Variants in MARCHF10 observed in about 807,000 individuals in gnomAD.
The protein encoded by MARCHF10 is probable E3 ubiquitin-protein ligase MARCHF10.
In MARCHF10, 64 loss-of-function variants were observed where a neutral mutation model predicts 76.2. The ratio of observed to expected loss-of-function variants is 0.84; its 90% CI spans 0.69 to 1.03. The LOEUF (loss-of-function observed/expected upper bound fraction) is 1.03, where lower values mean the gene tolerates loss of function less well. Ranked by LOEUF, MARCHF10 falls within the 50% of genes least tolerant of loss-of-function variation. MARCHF10 has a pLI of 0.00. For missense variants in MARCHF10, 875 were observed against 958.0 expected (o/e 0.91, Z 1.14); for synonymous variants, 340 against 357.5 (o/e 0.95, Z 0.55).
chr17:62,741,371 C>A (rs1179354487), intron 5 of MARCHF10, among the ~76,000 whole-genome samples: 1 of 152,142 alleles, frequency 6.6e-6, no homozygotes, highest in Non-Finnish European at 1.5e-5. Context: ...TATGAACTTT[C>A]TAAGAGGCTT....
chr17:62,794,020 C>T (rs2092940044), intron 2 of MARCHF10, among the ~76,000 whole-genome samples: 1 of 151,240 alleles, frequency 6.6e-6, no homozygotes, highest in Non-Finnish European at 1.5e-5. Flanking sequence ...CCATCACCAC[C>T]ATCACTACCA....
chr17:62,773,687 C>T (rs879613781), intron 3 of MARCHF10, among the ~76,000 whole-genome samples: 22 of 152,042 alleles, frequency 1.4e-4, no homozygotes, highest in Non-Finnish European at 2.8e-4. Context: ...TGGGAGACAG[C>T]GGCTGGAGTA....
chr17:62,762,513 T>A (rs2092232655), intron 3 of MARCHF10, among the ~76,000 whole-genome samples: 1 of 152,206 alleles, frequency 6.6e-6, no homozygotes, highest in African/African-American at 2.4e-5. Flanking sequence ...CTTTATTCTG[T>A]CTTCTTACGT....
chr17:62,777,463 C>G (rs1287282987), intron 3 of MARCHF10, among the ~76,000 whole-genome samples: 1 of 152,088 alleles, frequency 6.6e-6, no homozygotes, highest in East Asian at 1.9e-4. Context: ...TGGCTCATGC[C>G]TGTAATCCTA....
intron 4 of MARCHF10, among the ~76,000 whole-genome samples, chr17:62,755,103 C>A (rs559178730): frequency 6.6e-6 from 1 of 152,176 alleles, no homozygotes; most frequent in African/African-American, 2.4e-5. Context: ...CAAATCTGAA[C>A]CCAGTAATGA....
chr17:62,775,760 A>G (rs762006363), intron 3 of MARCHF10, among the ~76,000 whole-genome samples: 20 of 152,270 alleles, frequency 1.3e-4, no homozygotes, highest in Non-Finnish European at 2.4e-4. Flanking sequence ...GAATAATTTT[A>G]TCTCACAATT....
At position 62,736,819 on chromosome 17, in the gene MARCHF10, C is replaced by T; in HGVS notation, c.1049G>A (p.Ser350Asn). ...ATTGCTTATTCTCAATGAGCCATGA[C>T]TGGGCTCACTTCTTCTTGAAGAATG... The part of the protein sequence containing the change: ...RGHSSRRSEP[S>N]HGSLRISNAM... The change falls in exon 6 of 11, where the codon AGT becomes AAT. Residue 350 changes from serine to asparagine, a missense_variant. Physicochemically the swap from Ser to Asn is conservative, Grantham distance 46. Coordinates refer to ENST00000311269, the MANE Select transcript of MARCHF10 (RefSeq NM_152598.4). 6.2e-7 allele frequency: 1 copy of T among 1,614,120 alleles called. No homozygotes were observed. The highest frequency in any genetic ancestry group is 1.3e-5 in the African/African-American group (1 of 75,048).
At position 62,793,285 on chromosome 17, in the gene MARCHF10, C is replaced by T. The variant is rs373887197; in HGVS notation, c.91-4686G>A. On this transcript the variant is annotated intron_variant, in intron 2 of 10. Transcript: ENST00000311269. ...CACCCACCACCACCACAACCATCACCACCCACCACCACCACCTCCATCACC... is the reference window on the plus strand; with the variant it reads ...CACCCACCACCACCACAACCATCACTACCCACCACCACCACCTCCATCACC... Among the ~76,000 whole-genome samples the T allele has an allele frequency of 6.2e-5, 9 of 144,304 alleles. No individual in the cohort carries two copies. The East Asian group carries it at 1.5e-3, about 24-fold the overall frequency. The allele number at this position is 144,304 out of a possible 152,430, so 94.7% of individuals were successfully genotyped here. A position where few individuals can be genotyped will look rare whatever the true frequency, so the allele number is the denominator to read the frequency against.
At chr17:62,782,087 C>T (rs957553189) in intron 3 of MARCHF10, among the ~76,000 whole-genome samples, 1 of 152,104 alleles carries the variant, frequency 6.6e-6, no homozygotes, top group African/African-American at 2.4e-5. Context: ...TATCATTCTC[C>T]TGCCCCTTTC....
chr17:62,765,577 CG>C (rs2092310791), intron 3 of MARCHF10, among the ~76,000 whole-genome samples: 1 of 152,020 alleles, frequency 6.6e-6, no homozygotes, highest in Admixed American at 6.6e-5. Context: ...TCCATCACTA[CG>C]GGGGTGCCCT....
At chr17:62,742,176 C>T (rs1049002080) in intron 5 of MARCHF10, among the ~76,000 whole-genome samples, 4 of 151,868 alleles carry the variant, frequency 2.6e-5, no homozygotes, top group South Asian at 2.1e-4. Flanking sequence ...TGTGCCACCA[C>T]GCCCAGCTAA....
At chr17:62,794,047 A>T (rs942218586) in intron 2 of MARCHF10, among the ~76,000 whole-genome samples, 3 of 138,796 alleles carry the variant, frequency 2.2e-5, no homozygotes, top group Non-Finnish European at 4.7e-5. Context: ...TCACATCTCC[A>T]TAACCACCAT....
At chr17:62,789,553 C>A (rs938916595) in intron 2 of MARCHF10, among the ~76,000 whole-genome samples, 1 of 152,144 alleles carries the variant, frequency 6.6e-6, no homozygotes, top group Non-Finnish European at 1.5e-5. Flanking sequence ...TGGTTTTGAG[C>A]CTGTTTCTCC....
intron 3 of MARCHF10, among the ~76,000 whole-genome samples, chr17:62,761,341 T>G (rs1262390523): frequency 6.6e-6 from 1 of 152,236 alleles, no homozygotes; most frequent in Admixed American, 6.5e-5. Context: ...TCCCCTTTCC[T>G]TTTCGATTTT....
At chr17:62,724,788 T>G (rs2090668865) in intron 7 of MARCHF10, 150 bp downstream of exon 7, 1 of 791,536 alleles carries the variant, frequency 1.3e-6, no homozygotes, top group Non-Finnish European at 2.0e-6. Flanking sequence ...ACAGCTTTTA[T>G]GAGCAAGGAT....
chr17:62,799,802 A>G (rs1033944805), intron 2 of MARCHF10, among the ~76,000 whole-genome samples: 45 of 151,582 alleles, frequency 3.0e-4, no homozygotes, highest in Admixed American at 4.6e-4. Context: ...TGTGAGACCC[A>G]GTGTGACACT....
At chr17:62,727,308 C>T (rs1452011841) in intron 6 of MARCHF10, among the ~76,000 whole-genome samples, 3 of 152,074 alleles carry the variant, frequency 2.0e-5, no homozygotes, top group East Asian at 3.9e-4. Flanking sequence ...GAAGAAGAGA[C>T]AGAAAAGCAC....
At chr17:62,746,098 T>C (rs1260787502) in intron 4 of MARCHF10, among the ~76,000 whole-genome samples, 1 of 152,248 alleles carries the variant, frequency 6.6e-6, no homozygotes, top group Non-Finnish European at 1.5e-5. Context: ...GTGAATAGTT[T>C]TCCTCCAGAT....
At position 62,775,641 on chromosome 17, in the gene MARCHF10, T is replaced by C. The variant is rs1375583764; in HGVS notation, c.210+12839A>G. The stretch of plus-strand genomic sequence containing the variant: ...TATTTTATTTTTAATTGACAAATAA[T>C]AATTGTATTATAATTTCTGAATGAA... On this transcript the variant is annotated intron_variant, in intron 3 of 10. Transcript: ENST00000311269. Among the ~76,000 whole-genome samples, 5 of 151,952 alleles carry C rather than the reference T, an allele frequency of 3.3e-5. No homozygotes were observed. In the East Asian group the frequency reaches 9.6e-4, roughly 29 times the overall value.
Sources: allele counts gnomAD v4.1 joint callset (sites outside exome capture counted in the v4.1 genomes callset), GRCh38; gene constraint gnomAD v4.1.1; transcripts MANE v1.5; gene names NCBI Gene and HGNC (gene_info 2026-07-23, HGNC 2026-07-21).